Variants in PDE1C observed in about 807,000 individuals in gnomAD.
PDE1C encodes the protein dual specificity calcium/calmodulin-dependent 3',5'-cyclic nucleotide phosphodiesterase 1C.
In PDE1C, 62 loss-of-function variants were observed where a neutral mutation model predicts 93.1. The observed-to-expected ratio is 0.67, with a 90% CI of 0.54 to 0.82. The LOEUF is 0.82. Among genes scored for constraint, PDE1C ranks in the 40% least tolerant of loss-of-function variants. The pLI is 0.00. For synonymous variants in PDE1C, 325 were observed against 310.1 expected, an observed-to-expected ratio of 1.05 and a Z score of -0.50; for missense variants, 742 against 884.6, an observed-to-expected ratio of 0.84 and a Z score of 2.04.
At chr7:31,854,810 T>C (rs1793789656) in intron 7 of PDE1C, among the ~76,000 whole-genome samples, 1 of 152,188 alleles carries the variant, frequency 6.6e-6, no homozygotes, top group South Asian at 2.1e-4. Flanking sequence ...CTCATGCTTA[T>C]AATCCCAGCA....
chr7:31,978,483 C>G (rs148667892), intron 2 of PDE1C, among the ~76,000 whole-genome samples: 1 of 152,310 alleles, frequency 6.6e-6, no homozygotes, highest in African/African-American at 2.4e-5. Flanking sequence ...CCAGGTTACT[C>G]AGAAGTGGGT....
intron 1 of PDE1C, among the ~76,000 whole-genome samples, chr7:32,235,187 A>G (rs1807985848): frequency 7.7e-6 from 1 of 129,792 alleles, no homozygotes; most frequent in Non-Finnish European, 1.8e-5. Flanking sequence ...CTTATTCCCA[A>G]TAAGGGAATT....
At chr7:31,796,282 T>C (rs1315690665) in intron 16 of PDE1C, among the ~76,000 whole-genome samples, 5 of 151,544 alleles carry the variant, frequency 3.3e-5, no homozygotes, top group Non-Finnish European at 5.9e-5. Context: ...ATGTATGATT[T>C]ATGTATGTGT....
chr7:31,694,380 T>TCAAA, the PDE1C span, among the ~76,000 whole-genome samples: 17 of 109,182 alleles, frequency 1.6e-4, no homozygotes, highest in African/African-American at 6.6e-4. Flanking sequence ...TCTCTCTCTC[T>TCAAA]CTCTCAAACA....
intron 12 of PDE1C, among the ~76,000 whole-genome samples, chr7:31,827,801 A>C (rs1789882363): frequency 6.6e-6 from 1 of 152,140 alleles, no homozygotes; most frequent in East Asian, 1.9e-4. Context: ...TACCTTAAAA[A>C]AGTGCTTTAA....
chr7:31,997,325 T>C (rs1408993850), intron 2 of PDE1C, among the ~76,000 whole-genome samples: 1 of 152,208 alleles, frequency 6.6e-6, no homozygotes, highest in Non-Finnish European at 1.5e-5. Flanking sequence ...TAAAGGATCT[T>C]ACACAGTATC....
intron 1 of PDE1C, among the ~76,000 whole-genome samples, chr7:32,417,372 T>C (rs916301729): frequency 1.3e-5 from 2 of 152,070 alleles, no homozygotes; most frequent in Middle Eastern, 6.8e-3. Flanking sequence ...AAATCTCACA[T>C]GTCTAATAAT....
the PDE1C span, among the ~76,000 whole-genome samples, chr7:31,689,168 CAG>C: frequency 1.3e-5 from 2 of 152,304 alleles, no homozygotes; most frequent in South Asian, 4.1e-4. Context: ...ATTGCAATGA[CAG>C]TGGCAGTCCA....
At chr7:32,402,276 T>TA (rs1192534044) in intron 1 of PDE1C, among the ~76,000 whole-genome samples, 1 of 152,040 alleles carries the variant, frequency 6.6e-6, no homozygotes, top group African/African-American at 2.4e-5. Context: ...TATGAGGCAC[T>TA]AGCTCATACA....
At chr7:32,005,738 G>A (rs139357538) in intron 2 of PDE1C, among the ~76,000 whole-genome samples, 1 of 151,942 alleles carries the variant, frequency 6.6e-6, no homozygotes, top group Non-Finnish European at 1.5e-5. Context: ...TTGAAGAGTA[G>A]AACTAGAATA....
At chr7:32,278,154 G>T (rs1225885692) in intron 1 of PDE1C, among the ~76,000 whole-genome samples, 11 of 142,792 alleles carry the variant, frequency 7.7e-5, no homozygotes, top group Non-Finnish European at 1.7e-4. Context: ...AGGAGAGAAG[G>T]AAGGATTCCA....
At chr7:32,133,260 A>G (rs187745280) in intron 3 of PDE1C, among the ~76,000 whole-genome samples, 1 of 152,310 alleles carries the variant, frequency 6.6e-6, no homozygotes, top group Admixed American at 6.5e-5. Flanking sequence ...AGCAAACAAC[A>G]GCTATAAACT....
chr7:31,789,763 AGCATGGCT>A (rs1248993504), intron 16 of PDE1C: 1 of 986,750 alleles, frequency 1.0e-6, no homozygotes, highest in African/African-American at 1.7e-5. Context: ...GATGAATGTC[AGCATGGCT>A]GTATCATCAG....
intron 1 of PDE1C, among the ~76,000 whole-genome samples, chr7:32,374,286 A>AG (rs1784393897): frequency 2.0e-5 from 3 of 149,520 alleles, no homozygotes; most frequent in African/African-American, 7.6e-5. Context: ...AAAGAAAGAA[A>AG]GAAAGAAAGA....
At chr7:32,399,120 T>G (rs1043063362) in intron 1 of PDE1C, among the ~76,000 whole-genome samples, 1 of 152,228 alleles carries the variant, frequency 6.6e-6, no homozygotes, top group Non-Finnish European at 1.5e-5. Flanking sequence ...GCTACCATTG[T>G]GAAATCACTG....
intron 2 of PDE1C, among the ~76,000 whole-genome samples, chr7:31,926,602 C>T (rs538569665): frequency 2.6e-5 from 4 of 152,222 alleles, no homozygotes; most frequent in Admixed American, 1.3e-4. Context: ...CTTATCTCAC[C>T]GGGACTGGTT....
At chr7:31,838,027 A>G in intron 9 of PDE1C, 56 bp from the exon 10 acceptor site, 1 of 1,194,560 alleles carries the variant, frequency 8.4e-7, no homozygotes, top group Non-Finnish European at 1.2e-6. Context: ...GAAAGTAAAA[A>G]TCAGTGTTTT....
rs970378903 is a variant in PDE1C at position 32,327,763 on chromosome 7, C to T, written c.310+100059G>A. On this transcript the variant is annotated intron_variant, in intron 1 of 1. Transcript: ENST00000672256. Reference sequence around the variant, plus strand: ...CCAGCCTGGGCAACAGCGCTAGACTCTGTCTCAAAAAAAAAAAAAAAAAAA... The same window carrying T: ...CCAGCCTGGGCAACAGCGCTAGACTTTGTCTCAAAAAAAAAAAAAAAAAAA... Among the ~76,000 whole-genome samples the T allele has an allele frequency of 1.2e-4, 10 of 83,990 alleles. No homozygotes were observed. In the East Asian group the frequency reaches 3.2e-3, roughly 27 times the overall value. 55.1% of individuals were successfully genotyped at this position (83,990 alleles called of 152,430 possible). A position where few individuals can be genotyped will look rare whatever the true frequency, so the allele number is the denominator to read the frequency against.
At chr7:31,867,291 C>T (rs1250535564) in intron 6 of PDE1C, among the ~76,000 whole-genome samples, 7 of 152,098 alleles carry the variant, frequency 4.6e-5, no homozygotes, top group Non-Finnish European at 1.0e-4. Context: ...GAAGTGCATG[C>T]TCCCCAGCCA....
Sources: allele counts gnomAD v4.1 joint callset (sites outside exome capture counted in the v4.1 genomes callset), GRCh38; gene constraint gnomAD v4.1.1; transcripts MANE v1.5; gene names NCBI Gene and HGNC (gene_info 2026-07-23, HGNC 2026-07-21).